FKBP6: variants seen among roughly 807,000 people sequenced by gnomAD.
The protein encoded by FKBP6 is inactive peptidyl-prolyl cis-trans isomerase FKBP6.
Under a neutral mutation model 41.7 loss-of-function variants are expected in FKBP6, and 29 were observed. That is an observed-to-expected ratio of 0.70 (90% confidence interval 0.52 to 0.95). The LOEUF is 0.95. FKBP6 is among the 40% of genes least tolerant of loss of function. FKBP6 has a pLI of 0.00. For synonymous variants in FKBP6, 130 were observed against 165.1 expected (o/e 0.79, Z 1.63); for missense variants, 338 against 408.7 (o/e 0.83, Z 1.49).
chr7:73,341,242 CTG>C, intron 6 of FKBP6, 29 bp from the exon 7 acceptor site: 1 of 1,434,134 alleles, frequency 7.0e-7, no homozygotes, highest in South Asian at 1.1e-5. Flanking sequence ...TCTTTTCTAA[CTG>C]TGCTTTTAAA....
chr7:73,355,020 A>G (rs1221132009), intron 8 of FKBP6, among the ~76,000 whole-genome samples: 1 of 151,958 alleles, frequency 6.6e-6, no homozygotes, highest in African/African-American at 2.4e-5. Context: ...CGATTACATC[A>G]CTCCTCTGTC....
chr7:73,352,797 G>A lies in FKBP6; in HGVS notation c.*3-5384G>A, dbSNP rs556890386. Among the ~76,000 whole-genome samples the A allele has an allele frequency of 6.9e-4, 105 of 152,202 alleles. 1 individual carries two copies. The highest frequency in any genetic ancestry group is 2.1e-3 in the African/African-American group (89 of 41,520). On this transcript the variant is annotated intron_variant, in intron 8 of 8. Transcript: ENST00000252037. ...CAAGGTGAGAAGGATGTGGTCTGCC[G>A]TCACTGTGAGGGCACCCACAGCAGT...
Position 73,331,702 on chromosome 7 carries a change from GCTACGGAACGGGAGTTTGGCAA to G in FKBP6, c.519_540del (p.Glu174PhefsTer12). On this transcript the variant is annotated frameshift_variant, in exon 5 of 9. Coordinates refer to ENST00000252037, the MANE Select transcript of FKBP6 (RefSeq NM_003602.5). LOFTEE classifies it high-confidence loss of function. Reference sequence around the variant, plus strand: ...ACTTCAGAAGGTCCTGAAAGTGGCAGCTACGGAACGGGAGTTTGGCAACTACCTTTTCCGCCAGAATCGTTTC... The same window carrying G: ...ACTTCAGAAGGTCCTGAAAGTGGCAGCTACCTTTTCCGCCAGAATCGTTTC... 1 of 1,613,664 alleles carries G rather than the reference GCTACGGAACGGGAGTTTGGCAA, an allele frequency of 6.2e-7. No individual in the cohort carries two copies. Among genetic ancestry groups the G allele is most frequent in the Non-Finnish European group, 8.5e-7 (1 of 1,179,580 alleles).
At chr7:73,335,133 CA>C (rs10651287) in intron 5 of FKBP6, among the ~76,000 whole-genome samples, 7,579 of 79,344 alleles carry the variant, frequency 0.096, 241 homozygotes, top group African/African-American at 0.2. Flanking sequence ...TGTTCCTGGC[CA>C]AAAAAAAAAA....
intron 8 of FKBP6, among the ~76,000 whole-genome samples, chr7:73,357,836 A>C (rs1478579188): frequency 6.6e-6 from 1 of 151,882 alleles, no homozygotes; most frequent in Non-Finnish European, 1.5e-5. Flanking sequence ...AATGCAAAAA[A>C]AAGTATCCAG....
intron 5 of FKBP6, 61 bp from the exon 6 acceptor site, chr7:73,340,577 C>A (rs1410919053): frequency 7.0e-7 from 1 of 1,420,932 alleles, no homozygotes; most frequent in South Asian, 1.2e-5. Flanking sequence ...CGTGTGGATT[C>A]TTTAGGGTTT....
rs1563310002 is a variant in FKBP6, at chr7:73,330,128, CCTT to C, written c.266-18_266-16del. 2.5e-6 allele frequency: 4 copies of C among 1,597,078 alleles called. No individual in the cohort carries two copies. Among genetic ancestry groups the C allele is most frequent in the African/African-American group, 1.3e-5 (1 of 74,666 alleles). ...CAGGATACTGAGCAAGCTTCACCCA[CCTT>C]CTTTGTCCATTCTTACAGATATTAC... On this transcript the variant is annotated intron_variant, in intron 3 of 8. Transcript: ENST00000252037.
At position 73,348,495 on chromosome 7, in the gene FKBP6, C is replaced by T. The variant is rs983060372; in HGVS notation, c.*2+5596C>T. Among the ~76,000 whole-genome samples the T allele has an allele frequency of 1.2e-4, 18 of 152,354 alleles. No homozygotes were observed. In the East Asian group the frequency reaches 2.3e-3, roughly 20 times the overall value. On this transcript the variant is annotated intron_variant, in intron 8 of 8. Coordinates refer to ENST00000252037, the MANE Select transcript of FKBP6 (RefSeq NM_003602.5). The stretch of plus-strand genomic sequence containing the variant: ...TTCGCAACACTCAGGACTTCCAGAA[C>T]ATTTCACTTCTGACACCAGACATGT...
At chr7:73,355,848 C>T (rs368318802) in intron 8 of FKBP6, among the ~76,000 whole-genome samples, 19 of 151,826 alleles carry the variant, frequency 1.3e-4, no homozygotes, top group Admixed American at 3.3e-4. Flanking sequence ...AGGCAGATCA[C>T]GAGGTCAGGA....
At chr7:73,343,103 C>A (rs531251359) in intron 8 of FKBP6, among the ~76,000 whole-genome samples, 6 of 152,292 alleles carry the variant, frequency 3.9e-5, no homozygotes, top group African/African-American at 1.4e-4. Context: ...TTCGCCCAGA[C>A]CTGTGGGTTA....
intron 2 of FKBP6, among the ~76,000 whole-genome samples, 200 bp from the exon 3 acceptor site, chr7:73,329,160 G>A (rs543238142): frequency 6.6e-6 from 1 of 152,216 alleles, no homozygotes; most frequent in African/African-American, 2.4e-5. Context: ...TTTGTGTGAT[G>A]CTTCCGCAAA....
chr7:73,331,553 G>A (rs1402726730), intron 4 of FKBP6, 104 bp from the exon 5 acceptor site: 2 of 1,103,676 alleles, frequency 1.8e-6, no homozygotes, highest in African/African-American at 1.5e-5. Context: ...TCACTATGTT[G>A]CCCAGGCTGG....
chr7:73,357,865 G>A (rs1369485733), intron 8 of FKBP6, among the ~76,000 whole-genome samples: 3 of 151,802 alleles, frequency 2.0e-5, no homozygotes, highest in Non-Finnish European at 4.4e-5. Context: ...GTGCGTGCCT[G>A]TAATCCCAGC....
rs538942203 is a variant in FKBP6 at position 73,349,423 on chromosome 7, G to T, written c.*2+6524G>T. Among the ~76,000 whole-genome samples the T allele has an allele frequency of 1.0e-4, 15 of 149,630 alleles. No individual in the cohort carries two copies. In the South Asian group the frequency reaches 2.5e-3, roughly 25 times the overall value. On this transcript the variant is annotated intron_variant, in intron 8 of 8. Coordinates refer to ENST00000252037, the MANE Select transcript of FKBP6 (RefSeq NM_003602.5). Reference sequence around the variant, plus strand: ...TCCATCTCAAAAAATAAATAAAAAGGCCAGGTGCAGTGGCTCACGCCTGTA... The same window carrying T: ...TCCATCTCAAAAAATAAATAAAAAGTCCAGGTGCAGTGGCTCACGCCTGTA...
intron 8 of FKBP6, among the ~76,000 whole-genome samples, chr7:73,343,207 G>A (rs1805243253): frequency 6.6e-6 from 1 of 152,204 alleles, no homozygotes. Context: ...CCAGGCTGGA[G>A]TGCAGTGGTG....
chr7:73,344,741 C>A (rs1185988612), intron 8 of FKBP6, among the ~76,000 whole-genome samples: 3 of 152,100 alleles, frequency 2.0e-5, no homozygotes, highest in African/African-American at 4.8e-5. Context: ...TGAGCCACCA[C>A]GCCTGGCTAA....
chr7:73,356,358 G>T (rs1805633237), intron 8 of FKBP6, among the ~76,000 whole-genome samples: 1 of 152,192 alleles, frequency 6.6e-6, no homozygotes, highest in Non-Finnish European at 1.5e-5. Flanking sequence ...GACAGTCAAA[G>T]TCCTATCACT....
At chr7:73,339,471 C>T (rs1554549070) in intron 5 of FKBP6, among the ~76,000 whole-genome samples, 3 of 152,162 alleles carry the variant, frequency 2.0e-5, no homozygotes, top group Admixed American at 6.5e-5. Flanking sequence ...GGCGTAATTA[C>T]TGTAGCTTTA....
chr7:73,345,637 A>T (rs782191851), intron 8 of FKBP6, among the ~76,000 whole-genome samples: 3 of 152,174 alleles, frequency 2.0e-5, no homozygotes, highest in African/African-American at 7.2e-5. Flanking sequence ...AGGGAGCTCT[A>T]TAGCTATTTT....
Sources: gnomAD v4.1 joint callset for allele counts (sites outside exome capture counted in the v4.1 genomes callset) on GRCh38, gnomAD v4.1.1 for gene constraint, MANE v1.5 for transcripts, NCBI Gene and HGNC (gene_info 2026-07-23, HGNC 2026-07-21) for gene names.